The following ADGRL2 variants were observed in gnomAD, a reference collection of about 807,000 sequenced individuals.
The protein encoded by ADGRL2 is calcium-independent alpha-latrotoxin receptor 2.
In ADGRL2, 44 loss-of-function variants were observed where a neutral mutation model predicts 157.4. The observed-to-expected ratio is 0.28, with a 90% CI of 0.22 to 0.36. ADGRL2 has a LOEUF of 0.36. Ranked by LOEUF, ADGRL2 falls within the 10% of genes least tolerant of loss-of-function variation. ADGRL2 has a pLI of 1.00. For synonymous variants in ADGRL2, 585 were observed against 624.7 expected (o/e 0.94, Z 0.95); for missense variants, 1,510 against 1,768.9 (o/e 0.85, Z 2.63).
chr1:81,697,437 C>A (rs80336634), upstream of ADGRL2, among the ~76,000 whole-genome samples: 253 of 152,204 alleles, frequency 1.7e-3, 4 homozygotes, highest in East Asian at 0.043. Flanking sequence ...CTGAGACATG[C>A]ACTAGCACTT....
intron 2 of ADGRL2, among the ~76,000 whole-genome samples, chr1:81,578,659 A>G (rs940392180): frequency 2.6e-5 from 4 of 152,150 alleles, no homozygotes; most frequent in African/African-American, 7.2e-5. Flanking sequence ...AATAAGAATG[A>G]TAGTATTTAA....
chr1:81,918,168 T>C (rs1423354765), intron 3 of ADGRL2, among the ~76,000 whole-genome samples: 4 of 152,214 alleles, frequency 2.6e-5, no homozygotes, highest in Non-Finnish European at 5.9e-5. Flanking sequence ...TATACAGTTT[T>C]GTTACTGCTA....
rs190735928 is a variant in ADGRL2, at chr1:81,907,201, C to A, written c.258C>A (p.Leu86=). Residue 86 remains leucine (L), a synonymous_variant, in exon 3 of 24, where the codon CTC becomes CTA. Coordinates refer to ENST00000686636, the MANE Select transcript of ADGRL2 (RefSeq NM_001366006.2). ...AGATGGAGAATACAGACTGCTACCT[C>A]CCCGATGCCTTCAAAATTATGACTC... ...PFQMENTDCY[L]PDAFKIMTQR... 6.9e-5 allele frequency: 112 copies of A among 1,613,882 alleles called. No homozygotes were observed. The highest frequency in any genetic ancestry group is 9.2e-5 in the Non-Finnish European group (108 of 1,179,912).
At chr1:81,393,892 A>AAGT in intron 1 of ADGRL2, among the ~76,000 whole-genome samples, 1 of 151,504 alleles carries the variant, frequency 6.6e-6, no homozygotes, top group South Asian at 2.1e-4. Context: ...CTGAATATGA[A>AAGT]AGTATTAACA....
chr1:81,944,442 G>A (rs1220932663), intron 6 of ADGRL2, among the ~76,000 whole-genome samples: 1 of 151,976 alleles, frequency 6.6e-6, no homozygotes, highest in African/African-American at 2.4e-5. Context: ...CATTACTTTA[G>A]AAAGTAATGC....
At chr1:81,345,546 A>G (rs1344069285) in intron 1 of ADGRL2, among the ~76,000 whole-genome samples, 1 of 152,252 alleles carries the variant, frequency 6.6e-6, no homozygotes, top group African/African-American at 2.4e-5. Context: ...GAGAAGTGAT[A>G]AATTATCCAT....
At chr1:81,962,408 A>G (rs1456368848) in intron 11 of ADGRL2, among the ~76,000 whole-genome samples, 1 of 152,128 alleles carries the variant, frequency 6.6e-6, no homozygotes, top group African/African-American at 2.4e-5. Flanking sequence ...TGTAAAGATT[A>G]TATAGTTTAC....
chr1:81,869,872 TTAAG>T (rs1259608050), intron 2 of ADGRL2, among the ~76,000 whole-genome samples: 1 of 152,096 alleles, frequency 6.6e-6, no homozygotes, highest in African/African-American at 2.4e-5. Flanking sequence ...TTGTATTCAC[TTAAG>T]TATTCAGATC....
At chr1:81,947,575 TATCC>T (rs1650295402) in intron 6 of ADGRL2, among the ~76,000 whole-genome samples, 1 of 152,204 alleles carries the variant, frequency 6.6e-6, no homozygotes, top group Admixed American at 6.5e-5. Context: ...ATGATCTGAT[TATCC>T]ATGAATGGTG....
At chr1:81,588,602 C>T (rs1202952315) in intron 3 of ADGRL2, among the ~76,000 whole-genome samples, 2 of 152,136 alleles carry the variant, frequency 1.3e-5, no homozygotes, top group Non-Finnish European at 2.9e-5. Context: ...TGTCTGAAGG[C>T]ATAAACCACA....
intron 1 of ADGRL2, among the ~76,000 whole-genome samples, chr1:81,732,165 C>A (rs530970827): frequency 5.3e-5 from 8 of 152,146 alleles, no homozygotes; most frequent in Non-Finnish European, 1.0e-4. Flanking sequence ...AGAGTAGACA[C>A]AGAAGAAAGG....
chr1:81,875,698 A>G (rs1557825416), intron 2 of ADGRL2, among the ~76,000 whole-genome samples: 1 of 152,120 alleles, frequency 6.6e-6, no homozygotes. Flanking sequence ...TTGTAGCTTG[A>G]TATGTAGTCT....
intron 1 of ADGRL2, among the ~76,000 whole-genome samples, chr1:81,760,513 T>C (rs1444758457): frequency 6.6e-6 from 1 of 152,104 alleles, no homozygotes; most frequent in Non-Finnish European, 1.5e-5. Flanking sequence ...TGTTCTCTTT[T>C]AATAATCAAA....
intron 2 of ADGRL2, among the ~76,000 whole-genome samples, chr1:81,454,300 A>G (rs1428292729): frequency 6.6e-6 from 1 of 152,110 alleles, no homozygotes; most frequent in Non-Finnish European, 1.5e-5. Context: ...TGCAAAATGT[A>G]ACTTAAATTC....
chr1:81,720,897 A>G (rs966569171), intron 1 of ADGRL2, among the ~76,000 whole-genome samples: 5 of 149,930 alleles, frequency 3.3e-5, no homozygotes, highest in African/African-American at 9.7e-5. Flanking sequence ...TATATATTAT[A>G]CTATATATGT....
chr1:81,815,257 AGTT>A (rs1288699450), intron 1 of ADGRL2, among the ~76,000 whole-genome samples: 2 of 151,816 alleles, frequency 1.3e-5, no homozygotes, highest in Non-Finnish European at 3.0e-5. Context: ...GCGGAAAGGT[AGTT>A]GTTAATACTC....
intron 1 of ADGRL2, among the ~76,000 whole-genome samples, chr1:81,416,206 A>T (rs2077030782): frequency 6.6e-6 from 1 of 152,062 alleles, no homozygotes; most frequent in South Asian, 2.1e-4. Flanking sequence ...CAAATTTGTA[A>T]GGGTGAAAAC....
intron 2 of ADGRL2, among the ~76,000 whole-genome samples, chr1:81,879,549 C>T (rs766034047): frequency 6.6e-6 from 1 of 150,630 alleles, no homozygotes. Context: ...ATGCATTTGC[C>T]TAAGTGAGCC....
chr1:81,980,219 T>G (rs1661267760), intron 18 of ADGRL2, among the ~76,000 whole-genome samples: 1 of 151,818 alleles, frequency 6.6e-6, no homozygotes, highest in East Asian at 1.9e-4. Flanking sequence ...CAATTTCATT[T>G]GAATTTAAAA....
Sources: gnomAD v4.1 joint callset for allele counts (sites outside exome capture counted in the v4.1 genomes callset) on GRCh38, gnomAD v4.1.1 for gene constraint, MANE v1.5 for transcripts, NCBI Gene and HGNC (gene_info 2026-07-23, HGNC 2026-07-21) for gene names.